Variants in COBL observed in about 807,000 individuals in gnomAD.
COBL encodes protein cordon-bleu.
A neutral mutation model predicts 98.8 loss-of-function variants in COBL; 51 were observed. That is an observed-to-expected ratio of 0.52 (90% CI 0.41 to 0.65). COBL has a LOEUF of 0.65. Ranked by LOEUF, COBL falls within the 30% of genes least tolerant of loss-of-function variation. The probability of loss-of-function intolerance (pLI) is 0.00; values close to 1 mark genes in which losing one functional copy is unlikely to be tolerated. For synonymous variants in COBL, 634 were observed against 651.7 expected, an observed-to-expected ratio of 0.97 and a Z score of 0.41; for missense variants, 1,617 against 1,617.5, an observed-to-expected ratio of 1.00 and a Z score of 0.01.
intron 7 of COBL, among the ~76,000 whole-genome samples, chr7:51,058,167 A>G (rs141175582): frequency 6.6e-6 from 1 of 152,262 alleles, no homozygotes; most frequent in East Asian, 1.9e-4. Flanking sequence ...AAATGTTTGA[A>G]GAAAATCAGA....
chr7:51,255,436 T>A (rs1019853498), intron 1 of COBL, among the ~76,000 whole-genome samples: 2 of 152,202 alleles, frequency 1.3e-5, no homozygotes, highest in Non-Finnish European at 2.9e-5. Flanking sequence ...TGTGGAACAG[T>A]ATCCTCCAGG....
At chr7:51,187,802 C>T (rs1011777869) in intron 4 of COBL, 38 of 895,208 alleles carry the variant, frequency 4.2e-5, no homozygotes, top group African/African-American at 6.9e-5. Flanking sequence ...CCAAGCCAAA[C>T]TTCCATTCCT....
chr7:51,096,706 T>C (rs1276750032), intron 6 of COBL, among the ~76,000 whole-genome samples: 1 of 152,078 alleles, frequency 6.6e-6, no homozygotes, highest in Non-Finnish European at 1.5e-5. Context: ...TAGGAGGCTA[T>C]TGTGAATAAT....
intron 6 of COBL, among the ~76,000 whole-genome samples, chr7:51,095,897 T>C (rs771008077): frequency 9.2e-5 from 14 of 152,114 alleles, no homozygotes; most frequent in Admixed American, 6.6e-5. Context: ...AAGCAAACAT[T>C]GACATAATTG....
intron 12 of COBL, among the ~76,000 whole-genome samples, chr7:51,019,286 G>A (rs1247549284): frequency 6.6e-6 from 1 of 151,958 alleles, no homozygotes; most frequent in Non-Finnish European, 1.5e-5. Context: ...GCCTTATCAA[G>A]GAGGCACCAG....
chr7:51,195,392 A>C (rs1309359992), intron 2 of COBL, among the ~76,000 whole-genome samples: 1 of 152,110 alleles, frequency 6.6e-6, no homozygotes. Flanking sequence ...TTTTTGTATA[A>C]ATAGCATGCT....
intron 5 of COBL, among the ~76,000 whole-genome samples, chr7:51,158,057 G>A (rs1199076590): frequency 6.6e-6 from 1 of 152,202 alleles, no homozygotes; most frequent in Non-Finnish European, 1.5e-5. Flanking sequence ...AGAGCCAGTT[G>A]TTGTGTTAGA....
At chr7:51,093,503 A>G (rs539868891) in intron 6 of COBL, among the ~76,000 whole-genome samples, 5 of 152,352 alleles carry the variant, frequency 3.3e-5, no homozygotes, top group South Asian at 4.1e-4. Context: ...TCTGAGTACT[A>G]TCCAAAAAAA....
chr7:51,061,331 T>C (rs2128910364), intron 7 of COBL, among the ~76,000 whole-genome samples: 1 of 152,302 alleles, frequency 6.6e-6, no homozygotes, highest in Middle Eastern at 3.4e-3. Flanking sequence ...TCCATAGCAG[T>C]GTCTAATTGT....
chr7:51,045,805 T>TA (rs958323116), intron 7 of COBL, among the ~76,000 whole-genome samples: 2 of 151,926 alleles, frequency 1.3e-5, no homozygotes, highest in African/African-American at 4.8e-5. Flanking sequence ...TTTGAGGCAA[T>TA]AAAAAAAAGT....
rs146959922 is a variant in COBL, at chr7:51,026,618, C to G, written c.3432G>C (p.Thr1144=). ...GTGCAGATCGTTCGCCCTCTGCCTC[C>G]GTGTAGGACAGTTTCGCTGGCCTGC... ...GEGRPAKLSY[T]EAEGERSALL... The change falls in exon 11 of 13, where the codon ACG becomes ACC. Residue 1144 remains threonine (T), a synonymous_variant. Coordinates refer to ENST00000265136, the MANE Select transcript of COBL (RefSeq NM_015198.5). The G allele has an allele frequency of 4.3e-6, 7 of 1,614,140 alleles. No individual in the cohort carries two copies. The highest frequency in any genetic ancestry group is 5.1e-6 in the Non-Finnish European group (6 of 1,180,034).
chr7:51,287,049 GCTAAACAT>G (rs1800430466), intron 1 of COBL, among the ~76,000 whole-genome samples: 1 of 152,158 alleles, frequency 6.6e-6, no homozygotes, highest in South Asian at 2.1e-4. Context: ...ACAAGCGGGA[GCTAAACAT>G]TGAGTACACA....
chr7:51,223,701 C>A (rs1179990719), intron 1 of COBL, among the ~76,000 whole-genome samples: 1 of 152,172 alleles, frequency 6.6e-6, no homozygotes, highest in Non-Finnish European at 1.5e-5. Context: ...GTCAGAGAAC[C>A]CATTTCTGGG....
intron 5 of COBL, among the ~76,000 whole-genome samples, chr7:51,150,868 G>T (rs1200678820): frequency 6.6e-6 from 1 of 152,150 alleles, no homozygotes; most frequent in Non-Finnish European, 1.5e-5. Context: ...GGGATGTCAT[G>T]TTCTTACCCA....
In COBL at chr7:51,029,445, G is replaced by T; in HGVS notation, c.1651C>A (p.Pro551Thr). The change falls in exon 10 of 13, where the codon CCT becomes ACT. Residue 551 changes from proline (P) to threonine (T), a missense_variant. Pro to Thr is a conservative substitution (Grantham distance 38). Around this residue, in one of 3 missense-constraint regions of COBL, gnomAD observed 1,304 missense variants for 1,282.0 expected, o/e 1.02. Transcript: ENST00000265136. ...VTFIGEVSDD[P>T]VDSGLFSNRN... ...TTGGAAAACAACCCCGAATCCACAG[G>T]ATCATCTGAAACTTCCCCTATGAAT... 4 of 1,614,130 alleles carry T rather than the reference G, an allele frequency of 2.5e-6. No individual in the cohort carries two copies. The Admixed American group carries it at 6.7e-5, about 27-fold the overall frequency.
In COBL at chr7:51,192,529, C is replaced by G. The variant is rs111808994; in HGVS notation, c.456+850G>C. 9.2e-3 allele frequency among the ~76,000 whole-genome samples: 1,399 copies of G among 152,236 alleles called. 18 individuals carry two copies. The highest frequency in any genetic ancestry group is 0.032 in the African/African-American group (1,319 of 41,532). Reference sequence around the variant, plus strand: ...GCTGAGGCAGAAGAACTGCTTGAACCTGGGAGGCAGAGGTAGCAGTGAGCC... The same window carrying G: ...GCTGAGGCAGAAGAACTGCTTGAACGTGGGAGGCAGAGGTAGCAGTGAGCC... On this transcript the variant is annotated intron_variant, in intron 3 of 12. Transcript: ENST00000265136.
At chr7:51,048,667 G>C (rs928826205) in intron 7 of COBL, among the ~76,000 whole-genome samples, 1 of 151,682 alleles carries the variant, frequency 6.6e-6, no homozygotes, top group African/African-American at 2.4e-5. Flanking sequence ...TCTTTGTATA[G>C]AATATGTATC....
chr7:51,203,477 A>C (rs1490848192), intron 2 of COBL, among the ~76,000 whole-genome samples: 3 of 150,672 alleles, frequency 2.0e-5, no homozygotes, highest in East Asian at 1.9e-4. Context: ...AAAAAAAAAA[A>C]AAAAAAAACT....
chr7:51,220,696 T>G (rs989390589), intron 1 of COBL, among the ~76,000 whole-genome samples: 4 of 152,170 alleles, frequency 2.6e-5, no homozygotes, highest in Admixed American at 2.6e-4. Context: ...GCAGGTAAAT[T>G]GCGTGTCACC....
Sources: gnomAD v4.1 joint callset for allele counts (sites outside exome capture counted in the v4.1 genomes callset) on GRCh38, gnomAD v4.1.1 for gene constraint, gnomAD v4.1.1 regional missense constraint, MANE v1.5 for transcripts, NCBI Gene and HGNC (gene_info 2026-07-23, HGNC 2026-07-21) for gene names.